PRKAR1A: variants seen among roughly 807,000 people sequenced by gnomAD.
The protein encoded by PRKAR1A is protein kinase cAMP-dependent type I regulatory subunit alpha, also known as cAMP-dependent protein kinase type I-alpha regulatory subunit.
PRKAR1A carries 3 observed loss-of-function variants against 52.0 expected under a neutral mutation model. That is an observed-to-expected ratio of 0.06 (90% CI 0.03 to 0.15). PRKAR1A has a LOEUF of 0.15. Among genes scored for constraint, PRKAR1A ranks in the 10% least tolerant of loss-of-function variants. The pLI, the probability that PRKAR1A is intolerant of heterozygous loss-of-function variation, is 1.00. For missense variants in PRKAR1A, 240 were observed against 477.4 expected, an observed-to-expected ratio of 0.50 and a Z score of 4.63; for synonymous variants, 188 against 168.4, an observed-to-expected ratio of 1.12 and a Z score of -0.90.
chr17:68,496,818 C>CTTTTTTTTTTT, the PRKAR1A span, among the ~76,000 whole-genome samples: 38 of 91,240 alleles, frequency 4.2e-4, no homozygotes, highest in Non-Finnish European at 4.9e-4. Context: ...TTAGTTTTTA[C>CTTTTTTTTTTT]TTTTTTTTTT....
the PRKAR1A span, among the ~76,000 whole-genome samples, chr17:68,466,409 C>CTTTT: frequency 2.4e-4 from 29 of 118,370 alleles, no homozygotes; most frequent in Non-Finnish European, 3.0e-4. Flanking sequence ...TTTTCTCTCT[C>CTTTT]TTTTTTTTTT....
the PRKAR1A span, chr17:68,420,100 A>G: frequency 1.2e-5 from 17 of 1,447,960 alleles, no homozygotes; most frequent in Middle Eastern, 5.1e-4. Flanking sequence ...GTATGTTTGA[A>G]TTAATGTAGA....
At chr17:68,513,005 C>G (rs1042381750) in intron 1 of PRKAR1A, 4 of 152,330 alleles carry the variant, frequency 2.6e-5, no homozygotes, top group African/African-American at 9.6e-5. Flanking sequence ...CTTTTGACGA[C>G]TCGTCATTGC....
At chr17:68,448,683 T>C in the PRKAR1A span, among the ~76,000 whole-genome samples, 1 of 152,194 alleles carries the variant, frequency 6.6e-6, no homozygotes, top group Non-Finnish European at 1.5e-5. Context: ...TTACAGATCA[T>C]TTGCCTAAAC....
chr17:68,539,399 A>G, intron 11 of PRKAR1A: 2 of 1,614,150 alleles, frequency 1.2e-6, no homozygotes, highest in Non-Finnish European at 1.7e-6. Context: ...GTCCGAACCT[A>G]GGAGGAGAAA....
At chr17:68,433,937 C>T in the PRKAR1A span, among the ~76,000 whole-genome samples, 1 of 151,968 alleles carries the variant, frequency 6.6e-6, no homozygotes, top group South Asian at 2.1e-4. Flanking sequence ...CACACACCAC[C>T]ACACCCAGCT....
chr17:68,489,228 A>G, the PRKAR1A span, among the ~76,000 whole-genome samples: 31 of 34,088 alleles, frequency 9.1e-4, 1 homozygote, highest in African/African-American at 4.3e-3. Flanking sequence ...ATATATATAT[A>G]TGGAAAGTAT....
chr17:68,540,529 ACTTT>A (rs1052174681), intron 11 of PRKAR1A: 3 of 491,904 alleles, frequency 6.1e-6, no homozygotes, highest in African/African-American at 3.9e-5. Context: ...ATATTTGTGT[ACTTT>A]CTTCCCTTCC....
intron 2 of PRKAR1A, among the ~76,000 whole-genome samples, chr17:68,518,116 G>T (rs1288512704): frequency 6.6e-6 from 1 of 152,238 alleles, no homozygotes; most frequent in Non-Finnish European, 1.5e-5. Context: ...GGCTTTGCAG[G>T]GTACAGCCCC....
At chr17:68,541,979 A>G (rs370397996) in intron 11 of PRKAR1A, 60 of 1,612,156 alleles carry the variant, frequency 3.7e-5, no homozygotes, top group Non-Finnish European at 4.9e-5. Context: ...CTGGGGACCA[A>G]CTCACTCCTC....
chr17:68,515,881 T>A (rs2085416805), intron 2 of PRKAR1A: 1 of 344,952 alleles, frequency 2.9e-6, no homozygotes, highest in Non-Finnish European at 5.4e-6. Flanking sequence ...TGATCAGAAC[T>A]AGTATAGCAG....
At chr17:68,468,989 T>A in the PRKAR1A span, among the ~76,000 whole-genome samples, 1 of 152,222 alleles carries the variant, frequency 6.6e-6, no homozygotes, top group Non-Finnish European at 1.5e-5. Flanking sequence ...GACCTTATAC[T>A]CTGGAATGCT....
At chr17:68,542,058 A>G (rs1474855856) in intron 11 of PRKAR1A, 2 of 1,614,122 alleles carry the variant, frequency 1.2e-6, no homozygotes, top group East Asian at 2.2e-5. Flanking sequence ...AGGTTGAGGG[A>G]CGGCAGGAAG....
chr17:68,540,758 A>G (rs2086249611), intron 11 of PRKAR1A: 1 of 1,487,366 alleles, frequency 6.7e-7, no homozygotes, highest in African/African-American at 1.4e-5. Context: ...GTCCTCATGA[A>G]CCAGGTTGTA....
At chr17:68,540,690 C>T in intron 11 of PRKAR1A, 3 of 895,742 alleles carry the variant, frequency 3.3e-6, no homozygotes, top group South Asian at 2.8e-5. Context: ...AGCCTGTTAC[C>T]TTCTGTCCTC....
chr17:68,480,505 G>A, the PRKAR1A span, among the ~76,000 whole-genome samples: 1 of 152,142 alleles, frequency 6.6e-6, no homozygotes, highest in African/African-American at 2.4e-5. Context: ...AGGGGGTTTA[G>A]TTTCTCAGGG....
the PRKAR1A span, among the ~76,000 whole-genome samples, chr17:68,492,964 A>T: frequency 6.6e-6 from 1 of 152,218 alleles, no homozygotes; most frequent in Non-Finnish European, 1.5e-5. Flanking sequence ...ATAGTGCTGC[A>T]ATGAACATAT....
intron 2 of PRKAR1A, among the ~76,000 whole-genome samples, chr17:68,521,336 C>T (rs1223704444): frequency 6.6e-6 from 1 of 152,092 alleles, no homozygotes; most frequent in Non-Finnish European, 1.5e-5. Context: ...CTCAGGTGAT[C>T]CTCCTGCCTC....
the PRKAR1A span, among the ~76,000 whole-genome samples, chr17:68,485,364 A>G: frequency 3.9e-5 from 6 of 152,336 alleles, no homozygotes; most frequent in East Asian, 9.6e-4. Flanking sequence ...GTGTTGTATA[A>G]TGCAGCAGTG....
Sources: gnomAD v4.1 joint callset for allele counts (sites outside exome capture counted in the v4.1 genomes callset) on GRCh38, gnomAD v4.1.1 for gene constraint, MANE v1.5 for transcripts, NCBI Gene and HGNC (gene_info 2026-07-23, HGNC 2026-07-21) for gene names.